Variants in PLA2G4A observed in about 807,000 individuals in gnomAD.
PLA2G4A encodes cytosolic phospholipase A2.
Under a neutral mutation model 81.9 loss-of-function variants are expected in PLA2G4A, and 40 were observed. The ratio of observed to expected loss-of-function variants is 0.49; its 90% CI spans 0.38 to 0.64. The LOEUF is 0.64. Ranked by LOEUF, PLA2G4A falls within the 30% of genes least tolerant of loss-of-function variation. PLA2G4A has a pLI of 0.00. For synonymous variants in PLA2G4A, 302 were observed against 296.9 expected (o/e 1.02, Z -0.18); for missense variants, 715 against 905.1 (o/e 0.79, Z 2.69).
intron 16 of PLA2G4A, among the ~76,000 whole-genome samples, chr1:186,978,755 G>C (rs914065376): frequency 6.6e-6 from 1 of 152,142 alleles, no homozygotes; most frequent in African/African-American, 2.4e-5. Flanking sequence ...CTGAGAAAAG[G>C]ACTCAAGTGC....
intron 10 of PLA2G4A, among the ~76,000 whole-genome samples, chr1:186,944,041 G>A (rs1656252044): frequency 6.6e-6 from 1 of 152,130 alleles, no homozygotes; most frequent in Non-Finnish European, 1.5e-5. Flanking sequence ...AAGAATAGAT[G>A]GATATGAGAG....
chr1:186,979,247 T>C (rs1657636308), intron 16 of PLA2G4A, 68 bp from the exon 17 acceptor site: 2 of 1,169,116 alleles, frequency 1.7e-6, no homozygotes, highest in African/African-American at 1.5e-5. Flanking sequence ...GTATGTTTTA[T>C]TCCTTGGGTT....
chr1:186,911,996 A>T (rs1340889133), intron 7 of PLA2G4A, among the ~76,000 whole-genome samples: 1 of 152,086 alleles, frequency 6.6e-6, no homozygotes, highest in African/African-American at 2.4e-5. Context: ...GGCAGGAGAA[A>T]AGGGATGTCT....
intron 7 of PLA2G4A, among the ~76,000 whole-genome samples, chr1:186,916,945 C>A (rs1655158257): frequency 6.6e-6 from 1 of 152,090 alleles, no homozygotes; most frequent in South Asian, 2.1e-4. Context: ...GTGCATAGAC[C>A]AGTCAGCTTC....
At chr1:186,977,844 T>A (rs1160300666) in intron 16 of PLA2G4A, 56 bp downstream of exon 16, 3 of 1,132,552 alleles carry the variant, frequency 2.6e-6, no homozygotes, top group Non-Finnish European at 2.7e-6. Flanking sequence ...GGGACGAAAC[T>A]GACATTAAAC....
At chr1:186,857,588 T>A (rs1384206873) in intron 2 of PLA2G4A, among the ~76,000 whole-genome samples, 1 of 144,058 alleles carries the variant, frequency 6.9e-6, no homozygotes, top group Non-Finnish European at 1.5e-5. Context: ...ATAAAATATA[T>A]TATATATATT....
chr1:186,871,130 G>A (rs1022637907), intron 3 of PLA2G4A, among the ~76,000 whole-genome samples: 1 of 152,154 alleles, frequency 6.6e-6, no homozygotes. Flanking sequence ...ATGCCTTTGA[G>A]TGTGTTTATT....
At position 186,977,725 on chromosome 1, in the gene PLA2G4A, G is replaced by C; in HGVS notation, c.1897G>C (p.Asp633His). The C allele has an allele frequency of 3.1e-6, 5 of 1,613,930 alleles. No individual in the cohort carries two copies. The highest frequency in any genetic ancestry group is 4.2e-6 in the Non-Finnish European group (5 of 1,179,806). ...FKPKNPDMEK[D>H]CPTIIHFVLA... ...ACCCAAGAATCCTGATATGGAGAAA[G>C]ATTGCCCAACCATCATCCACTTTGT... Residue 633 changes from aspartate (D) to histidine (H), a missense_variant, in exon 16 of 18, where the codon GAT becomes CAT. Transcript: ENST00000367466.
intron 5 of PLA2G4A, among the ~76,000 whole-genome samples, chr1:186,901,122 G>A (rs915828532): frequency 2.0e-5 from 3 of 152,182 alleles, no homozygotes; most frequent in Admixed American, 1.3e-4. Context: ...ACAAAGTGGA[G>A]TTTGGAGGGA....
At chr1:186,946,595 T>A in intron 10 of PLA2G4A, 42 bp from the exon 11 acceptor site, 1 of 1,453,972 alleles carries the variant, frequency 6.9e-7, no homozygotes, top group Middle Eastern at 2.1e-4. Context: ...TGCCATAGCA[T>A]TTTCCTATTA....
intron 7 of PLA2G4A, among the ~76,000 whole-genome samples, chr1:186,929,369 C>G (rs557154608): frequency 6.6e-6 from 1 of 152,300 alleles, no homozygotes; most frequent in African/African-American, 2.4e-5. Context: ...GAGTGCAAGG[C>G]ACATACAATA....
intron 7 of PLA2G4A, among the ~76,000 whole-genome samples, chr1:186,920,609 T>C (rs1451113382): frequency 2.0e-5 from 3 of 152,190 alleles, no homozygotes; most frequent in Non-Finnish European, 4.4e-5. Context: ...TCACCTTGCT[T>C]TTCCTTCAGT....
At chr1:186,925,753 A>T (rs1265288885) in intron 7 of PLA2G4A, among the ~76,000 whole-genome samples, 3 of 152,200 alleles carry the variant, frequency 2.0e-5, no homozygotes, top group African/African-American at 7.2e-5. Context: ...ATATATGAAC[A>T]TTCTCTTCTC....
intron 5 of PLA2G4A, 149 bp from the exon 6 acceptor site, chr1:186,906,816 T>C: frequency 1.8e-6 from 1 of 556,568 alleles, no homozygotes; most frequent in Non-Finnish European, 3.2e-6. Flanking sequence ...TAGTTTAGGG[T>C]CTTCATGGAG....
At chr1:186,904,600 G>A (rs575937551) in intron 5 of PLA2G4A, among the ~76,000 whole-genome samples, 14 of 152,314 alleles carry the variant, frequency 9.2e-5, no homozygotes, top group South Asian at 6.2e-4. Context: ...ATCCTAATCC[G>A]TGTGACAAGA....
At position 186,939,208 on chromosome 1, in the gene PLA2G4A, T is replaced by C. The variant is rs1386517887; in HGVS notation, c.896T>C (p.Ile299Thr). The C allele has an allele frequency of 1.3e-6, 2 of 1,571,362 alleles. No homozygotes were observed. The highest frequency in any genetic ancestry group is 2.2e-5 in the South Asian group (2 of 90,290). ...TTTACTGATATCTTTGGGATGTTAA[T>C]AGGAGAAACACTAATTCATAATGTA... ...VTFTDIFGML[I>T]GETLIHNRMN... is the part of the protein sequence containing the mutation. Residue 299 changes from isoleucine to threonine, a missense_variant, in exon 9 of 18, where the codon ATA becomes ACA. Transcript: ENST00000367466.
chr1:186,915,782 A>C (rs1655115525), intron 7 of PLA2G4A, among the ~76,000 whole-genome samples: 1 of 152,164 alleles, frequency 6.6e-6, no homozygotes, highest in Non-Finnish European at 1.5e-5. Flanking sequence ...GAGCTCCACC[A>C]AGTGACTGTT....
In PLA2G4A at chr1:186,939,140, T is replaced by G. The variant is rs1484955382; in HGVS notation, c.828T>G (p.Val276=). The change falls in exon 9 of 18, where the codon GTT becomes GTG. Residue 276 remains valine (V), a synonymous_variant. Coordinates refer to ENST00000367466, the MANE Select transcript of PLA2G4A (RefSeq NM_024420.3). ...LLTPQKVKRY[V]ESLWKKKSSG... Reference sequence around the variant, plus strand: ...CACCACAGAAAGTTAAAAGATATGTTGAGTCTTTATGGAAGAAGAAAAGCT... The same window carrying G: ...CACCACAGAAAGTTAAAAGATATGTGGAGTCTTTATGGAAGAAGAAAAGCT... 3.7e-6 allele frequency: 6 copies of G among 1,609,408 alleles called. No homozygotes were observed. The highest frequency in any genetic ancestry group is 5.1e-6 in the Non-Finnish European group (6 of 1,175,946).
chr1:186,843,465 C>T (rs1358303803), intron 1 of PLA2G4A, among the ~76,000 whole-genome samples: 3 of 152,212 alleles, frequency 2.0e-5, no homozygotes, highest in Non-Finnish European at 4.4e-5. Context: ...ATTGAATTAT[C>T]ACTCCGGGCC....
Sources: gnomAD v4.1 joint callset for allele counts (sites outside exome capture counted in the v4.1 genomes callset) on GRCh38, gnomAD v4.1.1 for gene constraint, MANE v1.5 for transcripts, NCBI Gene and HGNC (gene_info 2026-07-23, HGNC 2026-07-21) for gene names.